Variants in PPARGC1A observed in about 807,000 individuals in gnomAD.
PPARGC1A encodes PPARG coactivator 1 alpha.
In PPARGC1A, 25 loss-of-function variants were observed where a neutral mutation model predicts 88.7. The observed-to-expected ratio is 0.28, with a 90% CI of 0.21 to 0.39. PPARGC1A has a LOEUF of 0.39. PPARGC1A is among the 10% of genes least tolerant of loss of function. The probability of loss-of-function intolerance (pLI) is 1.00; values close to 1 mark genes in which losing one functional copy is unlikely to be tolerated. For missense variants in PPARGC1A, 880 were observed against 968.7 expected (o/e 0.91, Z 1.22); for synonymous variants, 363 against 355.6 (o/e 1.02, Z -0.24).
At chr4:24,117,187 C>T in the PPARGC1A span, among the ~76,000 whole-genome samples, 1 of 152,174 alleles carries the variant, frequency 6.6e-6, no homozygotes. Context: ...TTATACTTTT[C>T]CAAGAAGCCC....
chr4:23,963,863 G>A, the PPARGC1A span, among the ~76,000 whole-genome samples: 8 of 152,254 alleles, frequency 5.3e-5, no homozygotes, highest in East Asian at 5.8e-4. Context: ...AGGAAGGATC[G>A]GCCAGGGAGG....
chr4:24,007,010 G>C, the PPARGC1A span, among the ~76,000 whole-genome samples: 2 of 152,144 alleles, frequency 1.3e-5, no homozygotes, highest in African/African-American at 2.4e-5. Context: ...CTATTATTTT[G>C]ATGTCTAAAA....
At chr4:23,810,174 G>A (rs1720631339) in intron 10 of PPARGC1A, among the ~76,000 whole-genome samples, 1 of 152,138 alleles carries the variant, frequency 6.6e-6, no homozygotes, top group South Asian at 2.1e-4. Flanking sequence ...TCTTTATTAA[G>A]CACTTATCAC....
At chr4:24,096,985 TTGGGAGGCTGATG>T in the PPARGC1A span, among the ~76,000 whole-genome samples, 2 of 151,998 alleles carry the variant, frequency 1.3e-5, no homozygotes, top group Non-Finnish European at 2.9e-5. Context: ...TCCCAGTGCT[TTGGGAGGCTGATG>T]TGGGAGGATT....
At chr4:24,020,057 G>A in the PPARGC1A span, among the ~76,000 whole-genome samples, 13 of 152,208 alleles carry the variant, frequency 8.5e-5, no homozygotes, top group East Asian at 1.9e-4. Context: ...ATTCATGGGA[G>A]AATGAAAAAT....
At chr4:24,089,004 A>G in the PPARGC1A span, among the ~76,000 whole-genome samples, 1 of 152,176 alleles carries the variant, frequency 6.6e-6, no homozygotes, top group African/African-American at 2.4e-5. Flanking sequence ...GGATTGAAAT[A>G]TGTGTGTATG....
At chr4:23,912,620 G>A in the PPARGC1A span, among the ~76,000 whole-genome samples, 15 of 152,002 alleles carry the variant, frequency 9.9e-5, no homozygotes, top group Non-Finnish European at 1.9e-4. Flanking sequence ...GAAAGCTGAC[G>A]TTTCCTTGAG....
chr4:24,190,120 C>T, the PPARGC1A span, among the ~76,000 whole-genome samples: 2 of 152,150 alleles, frequency 1.3e-5, no homozygotes, highest in Non-Finnish European at 1.5e-5. Context: ...GGTCAGTAAT[C>T]GGCTTCTTTG....
At chr4:24,456,488 T>C in the PPARGC1A span, among the ~76,000 whole-genome samples, 1 of 152,080 alleles carries the variant, frequency 6.6e-6, no homozygotes, top group Admixed American at 6.6e-5. Context: ...GACGCTGAAG[T>C]TGAGGATAAT....
intron 2 of PPARGC1A, among the ~76,000 whole-genome samples, chr4:23,867,883 T>A (rs756113516): frequency 7.9e-5 from 12 of 152,164 alleles, no homozygotes; most frequent in Non-Finnish European, 1.8e-4. Context: ...ACGAGGAAAC[T>A]ACAACAACAA....
At chr4:24,033,540 A>G in the PPARGC1A span, among the ~76,000 whole-genome samples, 1 of 152,192 alleles carries the variant, frequency 6.6e-6, no homozygotes, top group Non-Finnish European at 1.5e-5. Context: ...CCCCACAGGA[A>G]ATAACACTTT....
the PPARGC1A span, among the ~76,000 whole-genome samples, chr4:24,403,383 G>A: frequency 6.6e-6 from 1 of 152,256 alleles, no homozygotes; most frequent in East Asian, 1.9e-4. Context: ...TTGGGGCCAA[G>A]AAGGTTTTTG....
At chr4:23,896,438 G>T (rs1265779746) in intron 1 of PPARGC1A, among the ~76,000 whole-genome samples, 3 of 152,118 alleles carry the variant, frequency 2.0e-5, no homozygotes, top group African/African-American at 7.2e-5. Flanking sequence ...TATTTAAAAT[G>T]AAGCCATTTC....
At chr4:24,080,955 T>C in the PPARGC1A span, among the ~76,000 whole-genome samples, 1 of 152,044 alleles carries the variant, frequency 6.6e-6, no homozygotes, top group Non-Finnish European at 1.5e-5. Context: ...GTTTGTTTGA[T>C]TGAATGTTTG....
the PPARGC1A span, among the ~76,000 whole-genome samples, chr4:24,460,709 T>C: frequency 6.6e-6 from 1 of 152,190 alleles, no homozygotes; most frequent in South Asian, 2.1e-4. Flanking sequence ...CCTCTTCGTT[T>C]GACATCACAC....
the PPARGC1A span, among the ~76,000 whole-genome samples, chr4:24,265,762 C>T: frequency 6.6e-5 from 10 of 151,188 alleles, no homozygotes; most frequent in East Asian, 3.9e-4. Context: ...AAAACTAGGG[C>T]GAAAATTGTT....
At chr4:24,049,322 A>ATATATATATATGTG in the PPARGC1A span, among the ~76,000 whole-genome samples, 2 of 141,984 alleles carry the variant, frequency 1.4e-5, no homozygotes, top group South Asian at 2.2e-4. Context: ...ATATATATAT[A>ATATATATATATGTG]TGTGTGTGTG....
chr4:23,881,565 C>T (rs912508097), intron 2 of PPARGC1A, among the ~76,000 whole-genome samples: 1 of 152,202 alleles, frequency 6.6e-6, no homozygotes, highest in East Asian at 1.9e-4. Flanking sequence ...CATTTTAAGA[C>T]TCTGCCACTC....
chr4:24,354,616 G>C, the PPARGC1A span, among the ~76,000 whole-genome samples: 6,600 of 152,256 alleles, frequency 0.043, 502 homozygotes, highest in African/African-American at 0.15. Context: ...GCTGGGTGCG[G>C]TGGCTCACAC....
Sources: gnomAD v4.1 joint callset for allele counts (sites outside exome capture counted in the v4.1 genomes callset) on GRCh38, gnomAD v4.1.1 for gene constraint, MANE v1.5 for transcripts, NCBI Gene and HGNC (gene_info 2026-07-23, HGNC 2026-07-21) for gene names.